Variants in NRG1 observed in about 807,000 individuals in gnomAD.
NRG1 encodes the protein neuregulin 1.
Under a neutral mutation model 63.8 loss-of-function variants are expected in NRG1, and 18 were observed. The ratio of observed to expected loss-of-function variants is 0.28; its 90% CI spans 0.19 to 0.42. The LOEUF (loss-of-function observed/expected upper bound fraction) is 0.42. NRG1 is among the 10% of genes least tolerant of loss of function. The pLI is 1.00. For synonymous variants in NRG1, 302 were observed against 301.3 expected, an observed-to-expected ratio of 1.00 and a Z score of -0.02; for missense variants, 762 against 814.7, an observed-to-expected ratio of 0.94 and a Z score of 0.79.
chr8:31,950,602 C>T (rs139537422), intron 1 of NRG1, among the ~76,000 whole-genome samples: 223 of 152,306 alleles, frequency 1.5e-3, no homozygotes, highest in African/African-American at 5.2e-3. Flanking sequence ...GTCAACTAGT[C>T]GGCTTCTCTA....
chr8:31,985,903 A>C (rs1221989999), intron 1 of NRG1, among the ~76,000 whole-genome samples: 2 of 152,084 alleles, frequency 1.3e-5, no homozygotes, highest in African/African-American at 2.4e-5. Context: ...CACTTGGCAA[A>C]ACATTGCTTC....
chr8:32,710,336 T>G (rs972895705), intron 5 of NRG1, among the ~76,000 whole-genome samples: 3 of 152,196 alleles, frequency 2.0e-5, no homozygotes, highest in Non-Finnish European at 4.4e-5. Context: ...TATCTCTTTG[T>G]TGTGTACAAT....
chr8:31,790,010 G>A (rs1382864223), intron 1 of NRG1, among the ~76,000 whole-genome samples: 1 of 152,174 alleles, frequency 6.6e-6, no homozygotes, highest in South Asian at 2.1e-4. Context: ...GCGGGTAAAA[G>A]GATATAAGCA....
chr8:32,397,009 T>C (rs10100015), intron 1 of NRG1, among the ~76,000 whole-genome samples: 51,484 of 151,930 alleles, frequency 0.34, 9,169 homozygotes, highest in Middle Eastern at 0.43. Flanking sequence ...TCTTTAGGTG[T>C]TTGTTAGAGG....
chr8:31,822,408 A>C (rs1824093321), intron 1 of NRG1, among the ~76,000 whole-genome samples: 1 of 152,070 alleles, frequency 6.6e-6, no homozygotes, highest in African/African-American at 2.4e-5. Flanking sequence ...TAAGAGAGTA[A>C]GTCTCCCTCT....
chr8:32,411,937 ATG>A (rs1256170403), intron 1 of NRG1, among the ~76,000 whole-genome samples: 1 of 152,208 alleles, frequency 6.6e-6, no homozygotes, highest in East Asian at 1.9e-4. Context: ...AGTCAGTGTT[ATG>A]TATGAACTTG....
intron 1 of NRG1, among the ~76,000 whole-genome samples, chr8:32,072,432 C>G (rs1660026796): frequency 6.6e-6 from 1 of 152,084 alleles, no homozygotes; most frequent in Admixed American, 6.6e-5. Flanking sequence ...ACCCCCAACT[C>G]CATGTCTCCA....
chr8:32,269,818 G>A (rs1261688845), intron 1 of NRG1, among the ~76,000 whole-genome samples: 1 of 152,076 alleles, frequency 6.6e-6, no homozygotes, highest in Non-Finnish European at 1.5e-5. Context: ...ACAGATATTT[G>A]TAGAGAACTT....
intron 1 of NRG1, among the ~76,000 whole-genome samples, chr8:32,051,163 T>A (rs1476976195): frequency 2.0e-5 from 3 of 152,162 alleles, no homozygotes; most frequent in East Asian, 1.9e-4. Context: ...TCATTTTTTT[T>A]AATGAATGTG....
chr8:31,717,959 A>G (rs1585892060), intron 1 of NRG1, among the ~76,000 whole-genome samples: 1 of 152,152 alleles, frequency 6.6e-6, no homozygotes, highest in East Asian at 1.9e-4. Context: ...TTAGTCTTGT[A>G]TGTGTGTGTA....
intron 1 of NRG1, among the ~76,000 whole-genome samples, chr8:32,270,767 T>C: frequency 6.6e-6 from 1 of 152,200 alleles, no homozygotes; most frequent in African/African-American, 2.4e-5. Context: ...ATTGGCCATG[T>C]TGAGAACATT....
At chr8:32,092,053 G>T (rs942770854) in intron 1 of NRG1, among the ~76,000 whole-genome samples, 1 of 151,840 alleles carries the variant, frequency 6.6e-6, no homozygotes, top group Non-Finnish European at 1.5e-5. Flanking sequence ...AAAAATTCAA[G>T]AAGTAATTTT....
Position 32,096,494 on chromosome 8 carries a change from T to A in NRG1, c.37+457063T>A, listed in dbSNP as rs1829922509. On this transcript the variant is annotated intron_variant, in intron 1 of 10. Coordinates refer to the NRG1 transcript ENST00000519301. Reference sequence around the variant, plus strand: ...AATATATTATTGTTAATTATATGTCTTAGGCTGTTTGTGTTGTTATAAAAT... The same window carrying A: ...AATATATTATTGTTAATTATATGTCATAGGCTGTTTGTGTTGTTATAAAAT... Among the ~76,000 whole-genome samples, 3 of 152,346 alleles carry A rather than the reference T, an allele frequency of 2.0e-5. No homozygotes were observed. In the South Asian group the frequency reaches 6.2e-4, roughly 32 times the overall value.
At chr8:32,520,406 G>T (rs768048637) in intron 1 of NRG1, among the ~76,000 whole-genome samples, 2 of 151,154 alleles carry the variant, frequency 1.3e-5, no homozygotes, top group African/African-American at 2.4e-5. Context: ...GGATCCACCC[G>T]CCTCGGCTTC....
At chr8:32,400,512 G>C (rs1813036774) in intron 1 of NRG1, among the ~76,000 whole-genome samples, 1 of 152,176 alleles carries the variant, frequency 6.6e-6, no homozygotes, top group African/African-American at 2.4e-5. Context: ...TTCAAGAGAA[G>C]ATATACACAT....
At chr8:32,312,868 AT>A (rs1270637840) in intron 1 of NRG1, among the ~76,000 whole-genome samples, 5 of 151,764 alleles carry the variant, frequency 3.3e-5, no homozygotes, top group African/African-American at 4.8e-5. Context: ...ATTAAAATAT[AT>A]TTAGCTGGGC....
At chr8:32,174,110 T>C (rs1840404586) in intron 1 of NRG1, among the ~76,000 whole-genome samples, 1 of 151,994 alleles carries the variant, frequency 6.6e-6, no homozygotes, top group East Asian at 1.9e-4. Context: ...CCTCAGCAAA[T>C]GTAAAAGAAC....
chr8:32,265,209 C>T (rs1015361493), intron 1 of NRG1, among the ~76,000 whole-genome samples: 2 of 152,028 alleles, frequency 1.3e-5, no homozygotes, highest in African/African-American at 4.8e-5. Context: ...GTGGTGTACA[C>T]CTATAGTCCC....
chr8:32,199,638 T>A (rs1843302531), intron 1 of NRG1, among the ~76,000 whole-genome samples: 1 of 152,226 alleles, frequency 6.6e-6, no homozygotes, highest in Non-Finnish European at 1.5e-5. Context: ...ACTTCTCTAC[T>A]CTTTTTCTTT....
Sources: gnomAD v4.1 joint callset for allele counts (sites outside exome capture counted in the v4.1 genomes callset) on GRCh38, gnomAD v4.1.1 for gene constraint, MANE v1.5 for transcripts, NCBI Gene and HGNC (gene_info 2026-07-23, HGNC 2026-07-21) for gene names.